The following B4GALNT3 variants were observed in gnomAD, a reference collection of about 807,000 sequenced individuals.
B4GALNT3 encodes beta-1,4-N-acetyl-galactosaminyltransferase 3, also known as beta-1,4-N-acetylgalactosaminyltransferase 3.
Under a neutral mutation model 120.2 loss-of-function variants are expected in B4GALNT3, and 86 were observed. The observed-to-expected ratio is 0.72, with a 90% confidence interval of 0.60 to 0.86. B4GALNT3 has a LOEUF of 0.86. B4GALNT3 is among the 40% of genes least tolerant of loss of function. The pLI is 0.00. For synonymous variants in B4GALNT3, 518 were observed against 510.4 expected, an observed-to-expected ratio of 1.01 and a Z score of -0.20; for missense variants, 1,167 against 1,298.9, an observed-to-expected ratio of 0.90 and a Z score of 1.56.
chr12:526,093 G>A (rs2109553), intron 1 of B4GALNT3, among the ~76,000 whole-genome samples: 58,399 of 152,044 alleles, frequency 0.38, 11,921 homozygotes, highest in Non-Finnish European at 0.46. Flanking sequence ...GCATGGGTAT[G>A]TGTGCCAGAG....
intron 3 of B4GALNT3, among the ~76,000 whole-genome samples, chr12:541,803 T>A (rs776191927): frequency 1.1e-4 from 16 of 143,502 alleles, no homozygotes; most frequent in Non-Finnish European, 2.3e-4. Context: ...AGCCAGTGCC[T>A]CCCTCGGCCC....
intron 1 of B4GALNT3, among the ~76,000 whole-genome samples, chr12:488,990 AAAG>A (rs1402863311): frequency 3.9e-5 from 6 of 152,168 alleles, no homozygotes; most frequent in African/African-American, 4.8e-5. Context: ...CAGCTATAAA[AAAG>A]AATGGGTTCA....
At chr12:551,256 C>G (rs922780071) in intron 11 of B4GALNT3, among the ~76,000 whole-genome samples, 2 of 152,224 alleles carry the variant, frequency 1.3e-5, no homozygotes, top group Non-Finnish European at 2.9e-5. Flanking sequence ...TGCCTCAGGG[C>G]CCCCCAACAC....
rs562409506 is a variant in B4GALNT3 at position 485,348 on chromosome 12, G to T, written c.169+24803G>T. Among the ~76,000 whole-genome samples, 5 of 152,304 alleles carry T rather than the reference G, an allele frequency of 3.3e-5. No homozygotes were observed. The East Asian group carries it at 9.6e-4, about 29-fold the overall frequency. ...AGGGAGAAACCAGCTATGGGAAATG[G>T]ATCAGGCTCAGTAGATATGTGAATG... On this transcript the variant is annotated intron_variant, in intron 1 of 19. Coordinates refer to ENST00000266383, the MANE Select transcript of B4GALNT3 (RefSeq NM_173593.4).
intron 1 of B4GALNT3, among the ~76,000 whole-genome samples, chr12:512,995 T>A (rs1946610872): frequency 8.1e-6 from 1 of 123,290 alleles, no homozygotes; most frequent in Non-Finnish European, 1.7e-5. Context: ...CGATCTTCCT[T>A]CCACCTTCCA....
At chr12:547,982 C>CATGGAG in intron 7 of B4GALNT3, 42 bp from the exon 8 acceptor site, 1 of 1,566,220 alleles carries the variant, frequency 6.4e-7, no homozygotes, top group Non-Finnish European at 8.8e-7. Flanking sequence ...CCCCAGGGCC[C>CATGGAG]ATGGAGATGG....
chr12:500,084 A>G (rs1946423817), intron 1 of B4GALNT3, among the ~76,000 whole-genome samples: 1 of 152,004 alleles, frequency 6.6e-6, no homozygotes, highest in Non-Finnish European at 1.5e-5. Flanking sequence ...TGCAACTTCT[A>G]ACTTAAGGCT....
At chr12:516,547 G>A (rs1015399071) in intron 1 of B4GALNT3, among the ~76,000 whole-genome samples, 7 of 152,212 alleles carry the variant, frequency 4.6e-5, no homozygotes, top group Non-Finnish European at 8.8e-5. Flanking sequence ...GGCCTTACTC[G>A]TTGAGCAACC....
chr12:496,301 A>G (rs953945831), intron 1 of B4GALNT3, among the ~76,000 whole-genome samples: 1 of 152,140 alleles, frequency 6.6e-6, no homozygotes, highest in Non-Finnish European at 1.5e-5. Context: ...TTCATGTAAC[A>G]TTAACTTTTA....
At chr12:557,963 G>C (rs745983776) in intron 16 of B4GALNT3, 53 bp from the exon 17 acceptor site, 64 of 1,588,020 alleles carry the variant, frequency 4.0e-5, no homozygotes, top group Non-Finnish European at 5.2e-5. Context: ...ACTTCCTCCA[G>C]GGGACCACCG....
intron 1 of B4GALNT3, among the ~76,000 whole-genome samples, chr12:483,107 A>AC (rs1445164746): frequency 3.3e-5 from 5 of 151,754 alleles, no homozygotes; most frequent in Non-Finnish European, 7.4e-5. Context: ...ACAGGGTCTT[A>AC]CCGTGTTGCC....
At chr12:462,734 G>A (rs944385006) in intron 1 of B4GALNT3, among the ~76,000 whole-genome samples, 2 of 151,962 alleles carry the variant, frequency 1.3e-5, no homozygotes, top group Non-Finnish European at 2.9e-5. Flanking sequence ...GCGCTGTCCC[G>A]TTATATTCTA....
chr12:461,410 G>C (rs1946021444), intron 1 of B4GALNT3, among the ~76,000 whole-genome samples: 1 of 152,196 alleles, frequency 6.6e-6, no homozygotes, highest in South Asian at 2.1e-4. Flanking sequence ...GTATGGCTGT[G>C]CGAGGTGGTT....
intron 1 of B4GALNT3, among the ~76,000 whole-genome samples, chr12:493,953 A>G (rs1946366791): frequency 6.6e-6 from 1 of 152,206 alleles, no homozygotes; most frequent in African/African-American, 2.4e-5. Context: ...TCTCATTTTT[A>G]ATGACATAGG....
chr12:511,700 ACCTT>A (rs1393331996), intron 1 of B4GALNT3, among the ~76,000 whole-genome samples: 2 of 38,534 alleles, frequency 5.2e-5, no homozygotes, highest in Admixed American at 2.4e-4. Flanking sequence ...TCTGTCTTCC[ACCTT>A]CCTTCCACCT....
rs1221578303 is a variant in B4GALNT3 at position 563,412 on chromosome 12, A to G, written c.*1961A>G. ...TCTGCCTTAAGAGGAAGGGCCGGGC[A>G]AGGCCCCTACTCCCTAGAGAAATGT... On this transcript the variant is annotated 3_prime_UTR_variant, in exon 20 of 20. Transcript: ENST00000266383. 1 of 152,350 alleles carries G rather than the reference A, an allele frequency of 6.6e-6. No individual in the cohort carries two copies. Among genetic ancestry groups the G allele is most frequent in the Non-Finnish European group, 1.5e-5 (1 of 68,114 alleles). 9.4% of individuals were successfully genotyped at this position (152,350 alleles called of 1,614,324 possible). A position where few individuals can be genotyped will look rare whatever the true frequency, so the allele number is the denominator to read the frequency against.
intron 1 of B4GALNT3, among the ~76,000 whole-genome samples, chr12:499,950 T>A (rs954723130): frequency 1.3e-5 from 2 of 152,192 alleles, no homozygotes; most frequent in Non-Finnish European, 2.9e-5. Flanking sequence ...CTGTTTTATT[T>A]TTCTTGTTTT....
At chr12:554,038 G>A (rs1947115397) in intron 14 of B4GALNT3, 55 bp downstream of exon 14, 12 of 1,308,318 alleles carry the variant, frequency 9.2e-6, no homozygotes, top group African/African-American at 2.9e-5. Context: ...CAGCCAGCTG[G>A]CCTGGAAGGC....
intron 1 of B4GALNT3, among the ~76,000 whole-genome samples, chr12:526,091 A>G (rs1229332287): frequency 6.6e-6 from 1 of 152,130 alleles, no homozygotes; most frequent in Non-Finnish European, 1.5e-5. Context: ...GGGCATGGGT[A>G]TGTGTGCCAG....
Sources: allele counts gnomAD v4.1 joint callset (sites outside exome capture counted in the v4.1 genomes callset), GRCh38; gene constraint gnomAD v4.1.1; transcripts MANE v1.5; gene names NCBI Gene and HGNC (gene_info 2026-07-23, HGNC 2026-07-21).